The following TBC1D9 variants were observed in gnomAD, a reference collection of about 807,000 sequenced individuals.
The protein encoded by TBC1D9 is TBC1 domain family member 9.
TBC1D9 carries 63 observed loss-of-function variants against 132.0 expected under a neutral mutation model. The observed-to-expected ratio is 0.48, with a 90% CI of 0.39 to 0.59. TBC1D9 has a LOEUF of 0.59. Ranked by LOEUF, TBC1D9 falls within the 20% of genes least tolerant of loss-of-function variation. TBC1D9 has a pLI of 0.00. For missense variants in TBC1D9, 1,261 were observed against 1,592.7 expected (o/e 0.79, Z 3.54); for synonymous variants, 610 against 609.9 (o/e 1.00, Z 0.00).
At chr4:140,626,842 C>T (rs1170694022) in intron 18 of TBC1D9, among the ~76,000 whole-genome samples, 5 of 152,140 alleles carry the variant, frequency 3.3e-5, no homozygotes, top group South Asian at 2.1e-4. Context: ...TTCTGCAGCA[C>T]GAAAACAGCC....
Position 140,624,180 on chromosome 4 carries a change from C to G in TBC1D9, c.3014G>C (p.Arg1005Thr). ...AGATTTATTTTCTGGAGTCCACAGT[C>G]TCAAATAATTACGATTTTCTTGGGA... ...ANSQENRNYL[R>T]LWTPENKSKS... The change falls in exon 20 of 21, where the codon AGA becomes ACA. Residue 1005 changes from arginine (R) to threonine (T), a missense_variant. Physicochemically the swap from Arg to Thr is moderately conservative, Grantham distance 71. This residue lies in a region of TBC1D9 where 618 missense variants were observed against 724.4 expected (regional missense o/e 0.85). Transcript: ENST00000442267. 6.2e-7 allele frequency: 1 copy of G among 1,612,206 alleles called. No individual in the cohort carries two copies. The highest frequency in any genetic ancestry group is 8.5e-7 in the Non-Finnish European group (1 of 1,178,996).
chr4:140,666,438 C>A (rs1243167638), intron 9 of TBC1D9, among the ~76,000 whole-genome samples: 2 of 152,218 alleles, frequency 1.3e-5, no homozygotes, highest in African/African-American at 4.8e-5. Context: ...CGGGTTCACG[C>A]CATTCTCCTG....
At chr4:140,691,318 T>C (rs1166493922) in intron 2 of TBC1D9, among the ~76,000 whole-genome samples, 1 of 152,224 alleles carries the variant, frequency 6.6e-6, no homozygotes. Context: ...AAAGGAAACG[T>C]GTTTGAATCC....
At chr4:140,749,883 G>A (rs1738895107) in intron 1 of TBC1D9, among the ~76,000 whole-genome samples, 1 of 151,950 alleles carries the variant, frequency 6.6e-6, no homozygotes, top group South Asian at 2.1e-4. Flanking sequence ...ATGATAAAAT[G>A]CTCAATTCAC....
intron 18 of TBC1D9, among the ~76,000 whole-genome samples, chr4:140,626,557 T>C (rs1214459207): frequency 6.6e-6 from 1 of 152,216 alleles, no homozygotes; most frequent in Non-Finnish European, 1.5e-5. Flanking sequence ...AAACCTACAT[T>C]TACTTTTGGA....
intron 10 of TBC1D9, among the ~76,000 whole-genome samples, chr4:140,661,213 C>T (rs1281868851): frequency 2.6e-5 from 4 of 152,096 alleles, no homozygotes; most frequent in Admixed American, 1.3e-4. Flanking sequence ...CGCACCTGGC[C>T]GATATAGCCT....
chr4:140,670,723 A>G lies in TBC1D9; in HGVS notation c.1263T>C (p.Asp421=). 4 of 1,613,140 alleles carry G rather than the reference A, an allele frequency of 2.5e-6. No individual in the cohort carries two copies. Among genetic ancestry groups the G allele is most frequent in the Non-Finnish European group, 2.5e-6 (3 of 1,179,528 alleles). The change falls in exon 7 of 21, where the codon GAT becomes GAC. Residue 421 remains aspartate (D), a synonymous_variant. Coordinates refer to ENST00000442267, the MANE Select transcript of TBC1D9 (RefSeq NM_015130.3). ...EFAGSYNSSD[D]EVYSRPSSLV... is the part of the protein sequence containing the mutation. ...CTTTCAGGTGTCTCCCACAGACCTC[A>G]TCATCTGAACTGTTGTAACTTCCTG... is the stretch of plus-strand genomic sequence containing the variant.
At chr4:140,735,797 A>G (rs1386393243) in intron 1 of TBC1D9, among the ~76,000 whole-genome samples, 1 of 152,238 alleles carries the variant, frequency 6.6e-6, no homozygotes, top group African/African-American at 2.4e-5. Flanking sequence ...GTGGCGTACA[A>G]TAACATCCAA....
Sources: gnomAD v4.1 joint callset for allele counts (sites outside exome capture counted in the v4.1 genomes callset) on GRCh38, gnomAD v4.1.1 for gene constraint, gnomAD v4.1.1 regional missense constraint, MANE v1.5 for transcripts, NCBI Gene and HGNC (gene_info 2026-07-23, HGNC 2026-07-21) for gene names.